Variants in DOCK1 observed in about 807,000 individuals in gnomAD.
DOCK1 encodes the protein dedicator of cytokinesis protein 1.
Under a neutral mutation model 262.7 loss-of-function variants are expected in DOCK1, and 138 were observed. The observed-to-expected ratio is 0.53, with a 90% CI of 0.46 to 0.61. The LOEUF (loss-of-function observed/expected upper bound fraction) is 0.61, where lower values mean the gene tolerates loss of function less well. DOCK1 is among the 20% of genes least tolerant of loss of function. DOCK1 has a pLI of 0.00. For missense variants in DOCK1, 1,908 were observed against 2,370.7 expected (o/e 0.80, Z 4.05); for synonymous variants, 866 against 867.4 (o/e 1.00, Z 0.03).
chr10:126,990,652 A>C (rs2039724581), intron 6 of DOCK1, 49 bp downstream of exon 6: 1 of 1,595,420 alleles, frequency 6.3e-7, no homozygotes, highest in African/African-American at 1.3e-5. Flanking sequence ...CCAATGTAAT[A>C]ACATCACTAT....
intron 29 of DOCK1, among the ~76,000 whole-genome samples, chr10:127,319,847 C>T (rs913544358): frequency 6.6e-6 from 1 of 152,176 alleles, no homozygotes. Flanking sequence ...TTGCTCCATG[C>T]GTGCTTCTGG....
At position 127,007,283 on chromosome 10, in the gene DOCK1, G is replaced by C. The variant is rs908445600; in HGVS notation, c.986-1449G>C. 4.6e-5 allele frequency: 7 copies of C among 152,212 alleles called. 1 individual carries two copies. The South Asian group carries it at 6.2e-4, about 14-fold the overall frequency. 9.4% of individuals were successfully genotyped at this position (152,212 alleles called of 1,614,324 possible). A position where few individuals can be genotyped will look rare whatever the true frequency, so the allele number is the denominator to read the frequency against. On this transcript the variant is annotated intron_variant, in intron 10 of 51. Transcript: ENST00000623213. ...ACCAGACCAAACAGGGGATGAGGAT[G>C]CTGCTTTTTTGGTTCTATGTATCCC... is the stretch of plus-strand genomic sequence containing the variant.
intron 23 of DOCK1, among the ~76,000 whole-genome samples, chr10:127,086,238 C>A (rs192886595): frequency 2.0e-5 from 3 of 151,604 alleles, no homozygotes; most frequent in Admixed American, 6.6e-5. Context: ...CCCATCCCCC[C>A]ACCCCCGGTG....
At chr10:127,083,085 A>G (rs1179545454) in intron 23 of DOCK1, among the ~76,000 whole-genome samples, 1 of 152,166 alleles carries the variant, frequency 6.6e-6, no homozygotes, top group African/African-American at 2.4e-5. Context: ...GTCCTCTGCA[A>G]AGGACACCAT....
chr10:126,969,339 C>T (rs938821454), intron 1 of DOCK1, among the ~76,000 whole-genome samples: 1 of 152,180 alleles, frequency 6.6e-6, no homozygotes, highest in African/African-American at 2.4e-5. Flanking sequence ...CACCAGGAGG[C>T]TGCGTGCGCC....
chr10:127,128,359 A>G (rs1258994033), intron 27 of DOCK1, among the ~76,000 whole-genome samples: 2 of 146,184 alleles, frequency 1.4e-5, no homozygotes, highest in Non-Finnish European at 3.0e-5. Flanking sequence ...TTGAGGTTCA[A>G]GGGGTTATAA....
At chr10:126,985,312 G>A (rs558931223) in intron 4 of DOCK1, among the ~76,000 whole-genome samples, 2 of 152,230 alleles carry the variant, frequency 1.3e-5, no homozygotes, top group South Asian at 2.1e-4. Flanking sequence ...CTGCCTTGAT[G>A]CACTTTCCCT....
chr10:127,088,999 C>T (rs2047358617), intron 23 of DOCK1, among the ~76,000 whole-genome samples: 1 of 152,142 alleles, frequency 6.6e-6, no homozygotes, highest in African/African-American at 2.4e-5. Context: ...CCAAGACCAT[C>T]CATAGCTCGG....
intron 1 of DOCK1, among the ~76,000 whole-genome samples, chr10:126,916,553 G>A (rs979078748): frequency 2.6e-5 from 4 of 152,108 alleles, no homozygotes; most frequent in African/African-American, 9.7e-5. Flanking sequence ...TTTCAGCCTC[G>A]GTTAGGAAAC....
intron 27 of DOCK1, among the ~76,000 whole-genome samples, chr10:127,217,685 T>C (rs1340619114): frequency 6.6e-6 from 1 of 152,226 alleles, no homozygotes; most frequent in Non-Finnish European, 1.5e-5. Flanking sequence ...AGGTTGTCTA[T>C]ATGCTAGTAA....
chr10:127,020,674 C>T (rs1269606531), intron 13 of DOCK1, among the ~76,000 whole-genome samples: 2 of 152,024 alleles, frequency 1.3e-5, no homozygotes, highest in African/African-American at 2.4e-5. Context: ...GCTGAGTCCT[C>T]GGGTATATAT....
chr10:127,114,343 T>C (rs944852358), intron 25 of DOCK1, among the ~76,000 whole-genome samples: 4 of 152,120 alleles, frequency 2.6e-5, no homozygotes, highest in Non-Finnish European at 4.4e-5. Flanking sequence ...GTTGACTTGA[T>C]TGAAGGGAGG....
intron 1 of DOCK1, among the ~76,000 whole-genome samples, chr10:126,922,289 T>C (rs2033284434): frequency 2.0e-5 from 3 of 150,472 alleles, no homozygotes; most frequent in African/African-American, 7.4e-5. Flanking sequence ...GTCATGGTGC[T>C]GGCATCTGCT....
intron 10 of DOCK1, among the ~76,000 whole-genome samples, chr10:127,004,981 A>G (rs1397166048): frequency 6.6e-6 from 1 of 151,970 alleles, no homozygotes; most frequent in Non-Finnish European, 1.5e-5. Flanking sequence ...AATTTTTTTT[A>G]ATAGGACTTG....
At chr10:126,924,445 AGTAGCG>A (rs1202012991) in intron 1 of DOCK1, among the ~76,000 whole-genome samples, 9 of 146,202 alleles carry the variant, frequency 6.2e-5, no homozygotes, top group African/African-American at 2.1e-4. Flanking sequence ...GCTGGAACTC[AGTAGCG>A]GGAGGCTGTG....
chr10:127,046,757 C>CAA (rs5788823), intron 21 of DOCK1, among the ~76,000 whole-genome samples: 779 of 72,706 alleles, frequency 0.011, 7 homozygotes, highest in African/African-American at 0.018. Context: ...CACTACGTCT[C>CAA]AAAAAAAAAA....
Position 127,373,822 on chromosome 10 carries a change from A to G in DOCK1, c.3474A>G (p.Glu1158=). The G allele has an allele frequency of 1.2e-6, 2 of 1,611,654 alleles. No individual in the cohort carries two copies. The highest frequency in any genetic ancestry group is 1.7e-6 in the Non-Finnish European group (2 of 1,178,952). The stretch of plus-strand genomic sequence containing the variant: ...TCACCAAGCTGGATCATGAAGTCGA[A>G]GGAGGCAGAGGAGACGAACAGTACA... The part of the protein sequence containing the change: ...EIITKLDHEV[E]GGRGDEQYKV... The change falls in exon 34 of 52, where the codon GAA becomes GAG. Residue 1158 remains glutamate (E), a synonymous_variant. Coordinates refer to ENST00000623213, the MANE Select transcript of DOCK1 (RefSeq NM_001290223.2).
intron 12 of DOCK1, among the ~76,000 whole-genome samples, chr10:127,015,736 G>A (rs527801734): frequency 6.6e-6 from 1 of 152,216 alleles, no homozygotes; most frequent in South Asian, 2.1e-4. Context: ...CAGCCAGCTA[G>A]GATCATGCGG....
At chr10:127,408,777 A>G (rs2067670087) in intron 40 of DOCK1, among the ~76,000 whole-genome samples, 2 of 152,226 alleles carry the variant, frequency 1.3e-5, no homozygotes, top group Admixed American at 1.3e-4. Context: ...GTTACTGTCA[A>G]GATGAAAACA....
Sources: gnomAD v4.1 joint callset for allele counts (sites outside exome capture counted in the v4.1 genomes callset) on GRCh38, gnomAD v4.1.1 for gene constraint, MANE v1.5 for transcripts, NCBI Gene and HGNC (gene_info 2026-07-23, HGNC 2026-07-21) for gene names.